RYR3: variants seen among roughly 807,000 people sequenced by gnomAD.
RYR3 encodes brain ryanodine receptor-calcium release channel.
A neutral mutation model predicts 584.3 loss-of-function variants in RYR3; 207 were observed. That is an observed-to-expected ratio of 0.35 (90% CI 0.32 to 0.40). RYR3 has a LOEUF of 0.40. RYR3 is among the 10% of genes least tolerant of loss of function. The pLI, the probability that RYR3 is intolerant of heterozygous loss-of-function variation, is 1.00. For synonymous variants in RYR3, 2,416 were observed against 2,248.5 expected, an observed-to-expected ratio of 1.07 and a Z score of -2.11; for missense variants, 5,616 against 6,089.2, an observed-to-expected ratio of 0.92 and a Z score of 2.59.
intron 28 of RYR3, 110 bp downstream of exon 28, chr15:33,644,629 C>G (rs1185547692): frequency 1.3e-6 from 1 of 766,242 alleles, no homozygotes; most frequent in Non-Finnish European, 2.2e-6. Context: ...TATGCCCTGG[C>G]CACTTACCAG....
intron 10 of RYR3, among the ~76,000 whole-genome samples, chr15:33,555,572 C>T (rs1365411632): frequency 6.6e-6 from 1 of 152,068 alleles, no homozygotes; most frequent in Non-Finnish European, 1.5e-5. Context: ...TGGGTTTGAA[C>T]CCTGGCTCTG....
intron 1 of RYR3, among the ~76,000 whole-genome samples, chr15:33,424,123 C>A (rs1280307075): frequency 6.6e-6 from 1 of 152,156 alleles, no homozygotes; most frequent in Non-Finnish European, 1.5e-5. Context: ...ATACTGCAGG[C>A]AGTACAGCAT....
chr15:33,507,061 G>C (rs1245650665), intron 3 of RYR3, among the ~76,000 whole-genome samples: 1 of 152,100 alleles, frequency 6.6e-6, no homozygotes, highest in African/African-American at 2.4e-5. Context: ...CCACCAAATG[G>C]GAGGCTTTGA....
rs1446809620 is a variant in RYR3 at position 33,581,663 on chromosome 15, C to T, written c.1573+20C>T. 2.7e-5 allele frequency: 43 copies of T among 1,608,220 alleles called. No individual in the cohort carries two copies. The highest frequency in any genetic ancestry group is 3.5e-5 in the Non-Finnish European group (41 of 1,175,404). On this transcript the variant is annotated intron_variant, in intron 14 of 103. Transcript: ENST00000634891. ...TGCTGGGTAAGTACACATACAGTGCCTTCTCCCTGGGATGATTTCCATGGG... is the reference window on the plus strand; with the variant it reads ...TGCTGGGTAAGTACACATACAGTGCTTTCTCCCTGGGATGATTTCCATGGG...
Position 33,798,088 on chromosome 15 carries a change from A to T in RYR3, c.9831-2682A>T, listed in dbSNP as rs549327967. ...TCATGCCTTTGTCTGTCTGTCTTTT[A>T]TTTATTTATTTTTTTTGAGATGGAG... is the stretch of plus-strand genomic sequence containing the variant. On this transcript the variant is annotated intron_variant, in intron 67 of 103. Transcript: ENST00000634891. Among the ~76,000 whole-genome samples, 684 of 150,502 alleles carry T rather than the reference A, an allele frequency of 4.5e-3. 4 individuals are homozygous for T. The highest frequency in any genetic ancestry group is 7.0e-3 in the Non-Finnish European group (472 of 67,504).
chr15:33,576,510 CA>C (rs2058309554), intron 12 of RYR3, among the ~76,000 whole-genome samples: 1 of 152,074 alleles, frequency 6.6e-6, no homozygotes, highest in South Asian at 2.1e-4. Flanking sequence ...GAACTAAAGA[CA>C]AAAATCACAT....
rs752964551 is a variant in RYR3 at position 33,696,308 on chromosome 15, A to C, written c.5951A>C (p.Asn1984Thr). ...TCAGAGCTGGTCCGAATGATGTTCA[A>C]CCTCCTCCGGAGGCAGTATGACAGC... Reference protein sequence around the residue: ...QDSELVRMMFNLLRRQYDSIG... With the variant: ...QDSELVRMMFTLLRRQYDSIG... Residue 1984 changes from asparagine to threonine, a missense_variant, in exon 39 of 104, where the codon AAC becomes ACC. Asn to Thr is a moderately conservative substitution (Grantham distance 65). Around this residue, in one of 9 missense-constraint regions of RYR3, gnomAD observed 1,280 missense variants for 1,426.2 expected, o/e 0.90. Coordinates refer to ENST00000634891, the MANE Select transcript of RYR3 (RefSeq NM_001036.6). The C allele has an allele frequency of 4.3e-6, 7 of 1,613,552 alleles. No individual in the cohort carries two copies. Among genetic ancestry groups the C allele is most frequent in the Non-Finnish European group, 5.9e-6 (7 of 1,179,816 alleles).
chr15:33,484,626 A>G (rs2050257716), intron 2 of RYR3, among the ~76,000 whole-genome samples: 1 of 118,402 alleles, frequency 8.4e-6, no homozygotes, highest in Non-Finnish European at 2.0e-5. Flanking sequence ...GAATTCAGGT[A>G]TGGGTAACAA....
intron 43 of RYR3, among the ~76,000 whole-genome samples, chr15:33,707,618 TATGTAA>T (rs1471034682): frequency 6.6e-6 from 1 of 152,190 alleles, no homozygotes; most frequent in Non-Finnish European, 1.5e-5. Flanking sequence ...TGCTGAATAT[TATGTAA>T]ATAAGTGGGG....
At chr15:33,360,710 C>A (rs540609034) in intron 1 of RYR3, among the ~76,000 whole-genome samples, 1 of 152,358 alleles carries the variant, frequency 6.6e-6, no homozygotes, top group African/African-American at 2.4e-5. Context: ...GGGTCAGTGA[C>A]ATTCCCAAGA....
At chr15:33,554,597 A>T (rs532807073) in intron 10 of RYR3, among the ~76,000 whole-genome samples, 1 of 152,078 alleles carries the variant, frequency 6.6e-6, no homozygotes, top group East Asian at 1.9e-4. Context: ...TGCCTGGCCA[A>T]CCTCCATTAT....
intron 1 of RYR3, among the ~76,000 whole-genome samples, chr15:33,387,410 C>T (rs1567142268): frequency 6.6e-6 from 1 of 152,144 alleles, no homozygotes; most frequent in African/African-American, 2.4e-5. Flanking sequence ...AAATGCCACA[C>T]TCTTCCATAG....
intron 18 of RYR3, among the ~76,000 whole-genome samples, chr15:33,612,464 G>A (rs1160335605): frequency 1.3e-5 from 2 of 152,292 alleles, no homozygotes; most frequent in African/African-American, 2.4e-5. Flanking sequence ...GGGTTCAAAC[G>A]ATTCTCCTGC....
chr15:33,854,648 A>C, intron 97 of RYR3, 118 bp from the exon 98 acceptor site: 1 of 1,327,060 alleles, frequency 7.5e-7, no homozygotes, highest in Non-Finnish European at 1.0e-6. Context: ...AGCTCACAGC[A>C]CCTCAGCACC....
intron 38 of RYR3, among the ~76,000 whole-genome samples, chr15:33,686,907 G>A (rs1304533621): frequency 2.6e-5 from 4 of 152,180 alleles, no homozygotes; most frequent in Admixed American, 6.5e-5. Context: ...ACTAGGTGTT[G>A]ATGGGCCTTA....
At chr15:33,634,811 G>T in intron 25 of RYR3, 78 bp downstream of exon 25, 1 of 1,216,776 alleles carries the variant, frequency 8.2e-7, no homozygotes, top group Non-Finnish European at 1.2e-6. Flanking sequence ...ACTTCAAATA[G>T]GTCTAACTTG....
chr15:33,609,914 C>T (rs897789441), intron 18 of RYR3, among the ~76,000 whole-genome samples: 7 of 152,104 alleles, frequency 4.6e-5, no homozygotes, highest in African/African-American at 1.4e-4. Context: ...GTCAAACCTA[C>T]ACACTCTTCA....
At chr15:33,828,262 C>T (rs1455842575) in intron 85 of RYR3, among the ~76,000 whole-genome samples, 1 of 152,190 alleles carries the variant, frequency 6.6e-6, no homozygotes, top group African/African-American at 2.4e-5. Context: ...TCTCCTCAGG[C>T]CTTCCTATTC....
intron 38 of RYR3, among the ~76,000 whole-genome samples, chr15:33,692,049 T>A (rs1237636618): frequency 2.6e-5 from 4 of 152,236 alleles, no homozygotes; most frequent in African/African-American, 4.8e-5. Context: ...TTGGTAGAGA[T>A]GTCAGTAATA....
Sources: allele counts gnomAD v4.1 joint callset (sites outside exome capture counted in the v4.1 genomes callset), GRCh38; gene constraint gnomAD v4.1.1; regional missense constraint gnomAD v4.1.1; transcripts MANE v1.5; gene names NCBI Gene and HGNC (gene_info 2026-07-23, HGNC 2026-07-21).